Variants in CAMK1D observed in about 807,000 individuals in gnomAD.
CAMK1D encodes calcium/calmodulin-dependent protein kinase type 1D.
A neutral mutation model predicts 47.7 loss-of-function variants in CAMK1D; 9 were observed. That is an observed-to-expected ratio of 0.19 (90% CI 0.11 to 0.33). CAMK1D has a LOEUF of 0.33. Among genes scored for constraint, CAMK1D ranks in the 10% least tolerant of loss-of-function variants. The pLI is 1.00. For synonymous variants in CAMK1D, 184 were observed against 184.9 expected (o/e 0.99, Z 0.04); for missense variants, 291 against 488.7 (o/e 0.60, Z 3.81).
At chr10:12,814,056 T>G in intron 6 of CAMK1D, 139 bp from the exon 7 acceptor site, 31 of 574,274 alleles carry the variant, frequency 5.4e-5, no homozygotes, top group Non-Finnish European at 6.6e-5. Context: ...CCCAAATTGC[T>G]GGGATTACCT....
chr10:12,761,705 G>A (rs1836516306), intron 4 of CAMK1D, among the ~76,000 whole-genome samples: 1 of 152,128 alleles, frequency 6.6e-6, no homozygotes, highest in African/African-American at 2.4e-5. Flanking sequence ...TGGCCAACAC[G>A]GTGAAACCCC....
rs890227772 is a variant in CAMK1D, at chr10:12,786,044, A to T, written c.566-5114A>T. 3.3e-5 allele frequency among the ~76,000 whole-genome samples: 5 copies of T among 152,240 alleles called. No homozygotes were observed. The East Asian group carries it at 5.8e-4, about 18-fold the overall frequency. ...TATATTTTCCACGAATTTCCGTGAG[A>T]TGAAAAATAGCTATTTGAAGTGATC... is the stretch of plus-strand genomic sequence containing the variant. On this transcript the variant is annotated intron_variant, in intron 5 of 10. Transcript: ENST00000619168.
chr10:12,802,031 C>T (rs932104353), intron 6 of CAMK1D, among the ~76,000 whole-genome samples: 5 of 152,148 alleles, frequency 3.3e-5, no homozygotes, highest in South Asian at 2.1e-4. Flanking sequence ...TCCTTCATGG[C>T]CTTTTCTCCC....
chr10:12,699,391 G>A (rs928880482), intron 3 of CAMK1D, among the ~76,000 whole-genome samples: 8 of 152,072 alleles, frequency 5.3e-5, no homozygotes, highest in South Asian at 2.1e-4. Flanking sequence ...TGGGAAAGCC[G>A]TGTTTTGTTT....
At chr10:12,702,300 A>T (rs1564504996) in intron 3 of CAMK1D, among the ~76,000 whole-genome samples, 1 of 152,186 alleles carries the variant, frequency 6.6e-6, no homozygotes, top group African/African-American at 2.4e-5. Flanking sequence ...TGTTGGAAAC[A>T]TTCCTGTCAA....
intron 2 of CAMK1D, among the ~76,000 whole-genome samples, chr10:12,555,264 T>C (rs1016653379): frequency 1.3e-5 from 2 of 152,206 alleles, no homozygotes; most frequent in Non-Finnish European, 2.9e-5. Flanking sequence ...TGTTCAGCCA[T>C]CATTTGCACA....
At chr10:12,732,513 C>T (rs113363058) in intron 3 of CAMK1D, among the ~76,000 whole-genome samples, 6,612 of 151,962 alleles carry the variant, frequency 0.044, 399 homozygotes, top group African/African-American at 0.13. Context: ...AGAATCGTGG[C>T]GGGAGGCGAA....
chr10:12,570,403 G>T (rs1047692544), intron 2 of CAMK1D, among the ~76,000 whole-genome samples: 1 of 151,906 alleles, frequency 6.6e-6, no homozygotes, highest in Admixed American at 6.6e-5. Flanking sequence ...GAGGGGCTGG[G>T]CGCAGTGGCT....
intron 1 of CAMK1D, among the ~76,000 whole-genome samples, chr10:12,544,228 A>C (rs1365248134): frequency 2.6e-5 from 4 of 152,208 alleles, no homozygotes; most frequent in African/African-American, 9.6e-5. Flanking sequence ...TATCACAGAG[A>C]TTCCTTTTTG....
chr10:12,450,694 A>C (rs1241524485), intron 1 of CAMK1D, among the ~76,000 whole-genome samples: 1 of 152,122 alleles, frequency 6.6e-6, no homozygotes, highest in Non-Finnish European at 1.5e-5. Context: ...AGTCTCCATA[A>C]ATGTTCCCAA....
chr10:12,551,520 C>T (rs541044138), intron 1 of CAMK1D, among the ~76,000 whole-genome samples: 4 of 152,158 alleles, frequency 2.6e-5, no homozygotes, highest in East Asian at 3.9e-4. Flanking sequence ...TTTGGGAGGT[C>T]GAGGCGAGTG....
At chr10:12,616,078 G>T (rs1440482168) in intron 2 of CAMK1D, among the ~76,000 whole-genome samples, 1 of 151,548 alleles carries the variant, frequency 6.6e-6, no homozygotes, top group African/African-American at 2.4e-5. Context: ...GTGTTTGTGC[G>T]TGTATTGGTG....
intron 1 of CAMK1D, among the ~76,000 whole-genome samples, chr10:12,361,972 C>G (rs11257737): frequency 0.092 from 13,999 of 152,156 alleles, 757 homozygotes; most frequent in East Asian, 0.24. Context: ...TCCCCTACCC[C>G]CCGCCGGTCT....
intron 3 of CAMK1D, among the ~76,000 whole-genome samples, chr10:12,729,562 C>G (rs548403219): frequency 6.6e-6 from 1 of 151,978 alleles, no homozygotes; most frequent in Admixed American, 6.6e-5. Context: ...CACTTGAGCC[C>G]GGGCTGCAGT....
At position 12,816,164 on chromosome 10, in the gene CAMK1D, C is replaced by T. The variant is rs76066179; in HGVS notation, c.755-86C>T. 3,324 of 1,028,244 alleles carry T rather than the reference C, an allele frequency of 3.2e-3. 67 individuals are homozygous for T. In the African/African-American group the frequency reaches 0.046, roughly 14 times the overall value. The allele number at this position is 1,028,244 out of a possible 1,614,324, so 63.7% of individuals were successfully genotyped here. A position where few individuals can be genotyped will look rare whatever the true frequency, so the allele number is the denominator to read the frequency against. On this transcript the variant is annotated intron_variant, in intron 7 of 10. Transcript: ENST00000619168. ...GGTCTCATATTTTTCATGCTACACA[C>T]GCTCCTCCTGAAGACCTGGTGGGAT...
chr10:12,796,661 A>G (rs1015822052), intron 6 of CAMK1D, among the ~76,000 whole-genome samples: 7 of 152,030 alleles, frequency 4.6e-5, no homozygotes, highest in African/African-American at 7.2e-5. Context: ...TGTTATTCCT[A>G]TCAGCATGAG....
intron 2 of CAMK1D, among the ~76,000 whole-genome samples, chr10:12,561,374 C>T (rs1588634185): frequency 1.3e-5 from 2 of 152,168 alleles, no homozygotes; most frequent in Non-Finnish European, 1.5e-5. Context: ...AATCTTAACA[C>T]AATACACCCT....
At chr10:12,657,664 G>A (rs981232044) in intron 2 of CAMK1D, among the ~76,000 whole-genome samples, 1 of 152,192 alleles carries the variant, frequency 6.6e-6, no homozygotes, top group African/African-American at 2.4e-5. Context: ...TTCAGATGAA[G>A]AGCCCCAGTT....
chr10:12,360,433 G>T (rs1448624487), intron 1 of CAMK1D, among the ~76,000 whole-genome samples: 1 of 152,118 alleles, frequency 6.6e-6, no homozygotes, highest in Non-Finnish European at 1.5e-5. Context: ...AGGAGGTATC[G>T]GAGTGACCAG....
Sources: gnomAD v4.1 joint callset for allele counts (sites outside exome capture counted in the v4.1 genomes callset) on GRCh38, gnomAD v4.1.1 for gene constraint, MANE v1.5 for transcripts, NCBI Gene and HGNC (gene_info 2026-07-23, HGNC 2026-07-21) for gene names.